RGS6: variants seen among roughly 807,000 people sequenced by gnomAD.
RGS6 encodes the protein regulator of G-protein signaling 6.
Under a neutral mutation model 78.5 loss-of-function variants are expected in RGS6, and 30 were observed. The observed-to-expected ratio is 0.38, with a 90% CI of 0.29 to 0.52. The LOEUF (loss-of-function observed/expected upper bound fraction) is 0.52. Ranked by LOEUF, RGS6 falls within the 20% of genes least tolerant of loss-of-function variation. The probability of loss-of-function intolerance (pLI) is 0.85; values close to 1 mark genes in which losing one functional copy is unlikely to be tolerated. For synonymous variants in RGS6, 206 were observed against 206.0 expected, an observed-to-expected ratio of 1.00 and a Z score of 0.00; for missense variants, 495 against 609.7, an observed-to-expected ratio of 0.81 and a Z score of 1.98.
intron 2 of RGS6, among the ~76,000 whole-genome samples, chr14:72,109,835 C>T (rs1226962668): frequency 6.6e-6 from 1 of 152,108 alleles, no homozygotes; most frequent in Non-Finnish European, 1.5e-5. Context: ...CACAGAAGAC[C>T]TCAGATGTGG....
chr14:72,371,947 G>A (rs8003401), intron 3 of RGS6, among the ~76,000 whole-genome samples: 236 of 152,210 alleles, frequency 1.6e-3, no homozygotes, highest in African/African-American at 2.1e-3. Context: ...ATCATCGGTC[G>A]CAGCATGGAA....
intron 2 of RGS6, among the ~76,000 whole-genome samples, chr14:72,272,136 C>T (rs776142710): frequency 2.3e-4 from 35 of 152,228 alleles, no homozygotes; most frequent in Non-Finnish European, 4.1e-4. Flanking sequence ...AATTATTCTT[C>T]CTACCACCAA....
intron 3 of RGS6, among the ~76,000 whole-genome samples, chr14:72,383,340 G>C (rs1036637409): frequency 6.6e-6 from 1 of 151,744 alleles, no homozygotes; most frequent in Non-Finnish European, 1.5e-5. Flanking sequence ...AGATGAATTT[G>C]ACTTTACTGT....
At chr14:71,999,973 A>G (rs17105600) in intron 2 of RGS6, among the ~76,000 whole-genome samples, 2,069 of 152,292 alleles carry the variant, frequency 0.014, 42 homozygotes, top group African/African-American at 0.046. Context: ...AAGTTTAGGA[A>G]AACAGCTAGA....
the RGS6 span, among the ~76,000 whole-genome samples, chr14:72,588,702 C>T: frequency 6.6e-6 from 1 of 152,168 alleles, no homozygotes; most frequent in Non-Finnish European, 1.5e-5. Context: ...GTTATGCTCC[C>T]TTAGGTAACA....
At chr14:72,423,328 G>C (rs564043926) in intron 3 of RGS6, among the ~76,000 whole-genome samples, 1 of 152,112 alleles carries the variant, frequency 6.6e-6, no homozygotes, top group Non-Finnish European at 1.5e-5. Context: ...TCAGGCTCAC[G>C]CTGATGGCCC....
At chr14:72,302,734 A>C (rs764049838) in intron 2 of RGS6, among the ~76,000 whole-genome samples, 14 of 152,044 alleles carry the variant, frequency 9.2e-5, no homozygotes, top group Non-Finnish European at 1.8e-4. Context: ...GTGTTAACTC[A>C]GTCCTTCCTG....
chr14:72,095,844 G>T (rs1325650635), intron 2 of RGS6, among the ~76,000 whole-genome samples: 1 of 152,220 alleles, frequency 6.6e-6, no homozygotes, highest in Non-Finnish European at 1.5e-5. Flanking sequence ...GGAAATGCTG[G>T]TGCATTGTCT....
chr14:72,042,015 CAT>C (rs930186574), intron 2 of RGS6, among the ~76,000 whole-genome samples: 1 of 151,886 alleles, frequency 6.6e-6, no homozygotes, highest in African/African-American at 2.4e-5. Context: ...ATTAGAGTAA[CAT>C]ATTTTTGAAA....
At chr14:72,224,420 AAAAAG>A (rs1395566139) in intron 2 of RGS6, among the ~76,000 whole-genome samples, 1 of 149,090 alleles carries the variant, frequency 6.7e-6, no homozygotes, top group African/African-American at 2.5e-5. Context: ...CTATCTCAAA[AAAAAG>A]AAGAAGAAGA....
chr14:72,417,561 G>C (rs941452490), intron 3 of RGS6, among the ~76,000 whole-genome samples: 4 of 152,196 alleles, frequency 2.6e-5, no homozygotes, highest in African/African-American at 9.6e-5. Context: ...TCTATTGACA[G>C]ATCACTGCTA....
intron 2 of RGS6, among the ~76,000 whole-genome samples, chr14:72,016,157 T>C (rs922631726): frequency 1.3e-5 from 2 of 152,242 alleles, no homozygotes; most frequent in African/African-American, 2.4e-5. Context: ...TAATTTCCTA[T>C]ACATTCTTTT....
chr14:72,617,195 G>C, the RGS6 span, among the ~76,000 whole-genome samples: 1 of 152,226 alleles, frequency 6.6e-6, no homozygotes, highest in African/African-American at 2.4e-5. Flanking sequence ...CTCTGAAGAG[G>C]ACGTGTGAAG....
At chr14:71,927,653 C>CT (rs562160791), upstream of RGS6, among the ~76,000 whole-genome samples, 1,871 of 148,292 alleles carry the variant, frequency 0.013, 26 homozygotes, top group Non-Finnish European at 0.021. Context: ...TTCAAGAATC[C>CT]TTTTTTTTTC....
intron 2 of RGS6, among the ~76,000 whole-genome samples, chr14:72,225,531 G>T (rs2047921049): frequency 6.6e-6 from 1 of 151,974 alleles, no homozygotes; most frequent in Non-Finnish European, 1.5e-5. Flanking sequence ...TTTTCATCAT[G>T]TTGCCCAGGC....
chr14:72,288,225 A>G (rs1334863509), intron 2 of RGS6, among the ~76,000 whole-genome samples: 1 of 152,222 alleles, frequency 6.6e-6, no homozygotes, highest in Non-Finnish European at 1.5e-5. Flanking sequence ...GAAATATTGT[A>G]TATAGGTAAT....
Position 72,513,146 on chromosome 14 carries a change from C to T in RGS6, c.1091+2867C>T, listed in dbSNP as rs1383265790. ...GTGCTTCTCCACTTCCTCTGTCCTC[C>T]TGTGCTCCCTCTCATCTCTCCAGTG... On this transcript the variant is annotated intron_variant, in intron 14 of 17. Coordinates refer to ENST00000553525, the MANE Select transcript of RGS6 (RefSeq NM_001204424.2). 5.3e-5 allele frequency among the ~76,000 whole-genome samples: 8 copies of T among 152,376 alleles called. No individual in the cohort carries two copies. The South Asian group carries it at 8.3e-4, about 16-fold the overall frequency.
chr14:72,513,393 T>C (rs542948574), intron 14 of RGS6, among the ~76,000 whole-genome samples: 2 of 152,282 alleles, frequency 1.3e-5, no homozygotes, highest in African/African-American at 4.8e-5. Context: ...GGTGGGGGCA[T>C]CATCTCTGTG....
At chr14:72,014,933 G>A (rs555946141) in intron 2 of RGS6, among the ~76,000 whole-genome samples, 1 of 152,292 alleles carries the variant, frequency 6.6e-6, no homozygotes, top group African/African-American at 2.4e-5. Flanking sequence ...TTGAGGAAAT[G>A]TTTAGAAATT....
Sources: gnomAD v4.1 joint callset for allele counts (sites outside exome capture counted in the v4.1 genomes callset) on GRCh38, gnomAD v4.1.1 for gene constraint, MANE v1.5 for transcripts, NCBI Gene and HGNC (gene_info 2026-07-23, HGNC 2026-07-21) for gene names.